The following PTPRT variants were observed in gnomAD, a reference collection of about 807,000 sequenced individuals.
PTPRT encodes receptor-type tyrosine-protein phosphatase T.
In PTPRT, 56 loss-of-function variants were observed where a neutral mutation model predicts 176.8. The observed-to-expected ratio is 0.32, with a 90% confidence interval of 0.26 to 0.40. The LOEUF (loss-of-function observed/expected upper bound fraction) is 0.40. Among genes scored for constraint, PTPRT ranks in the 10% least tolerant of loss-of-function variants. The pLI, the probability that PTPRT is intolerant of heterozygous loss-of-function variation, is 1.00. For synonymous variants in PTPRT, 783 were observed against 739.0 expected, an observed-to-expected ratio of 1.06 and a Z score of -0.96; for missense variants, 1,540 against 1,908.2, an observed-to-expected ratio of 0.81 and a Z score of 3.60.
chr20:43,164,858 T>G (rs151311713), intron 1 of PTPRT, among the ~76,000 whole-genome samples: 10 of 152,314 alleles, frequency 6.6e-5, no homozygotes, highest in Admixed American at 3.9e-4. Context: ...TTTAAAGATG[T>G]AAAAACCTTT....
chr20:42,579,901 A>T (rs1260977655), intron 7 of PTPRT, among the ~76,000 whole-genome samples: 2 of 152,094 alleles, frequency 1.3e-5, no homozygotes, highest in Admixed American at 1.3e-4. Flanking sequence ...GAAGCTCTTT[A>T]GTTTAATTAG....
At chr20:42,174,722 G>T (rs1429050119) in intron 16 of PTPRT, among the ~76,000 whole-genome samples, 2 of 152,202 alleles carry the variant, frequency 1.3e-5, no homozygotes, top group African/African-American at 2.4e-5. Flanking sequence ...AGACAGGGTA[G>T]TGGTCTAACA....
chr20:42,586,527 C>T (rs1175162742), intron 7 of PTPRT, among the ~76,000 whole-genome samples: 1 of 152,154 alleles, frequency 6.6e-6, no homozygotes, highest in African/African-American at 2.4e-5. Flanking sequence ...CCAGAGCCTG[C>T]ATTTTCCACT....
intron 1 of PTPRT, among the ~76,000 whole-genome samples, chr20:43,108,821 T>G (rs545250280): frequency 6.6e-6 from 1 of 152,276 alleles, no homozygotes; most frequent in African/African-American, 2.4e-5. Context: ...AGCCACGCAA[T>G]GGGACAATCA....
At chr20:42,093,606 C>T (rs919071493) in intron 27 of PTPRT, among the ~76,000 whole-genome samples, 6 of 152,222 alleles carry the variant, frequency 3.9e-5, no homozygotes, top group African/African-American at 1.4e-4. Flanking sequence ...ACAGGTAGCC[C>T]TGCCCAATCC....
intron 8 of PTPRT, among the ~76,000 whole-genome samples, chr20:42,461,603 G>A (rs1315655848): frequency 6.6e-6 from 1 of 152,136 alleles, no homozygotes; most frequent in African/African-American, 2.4e-5. Context: ...TGAATTGGAA[G>A]CAAAGTACAA....
At chr20:42,310,574 A>G (rs76781693) in intron 12 of PTPRT, among the ~76,000 whole-genome samples, 3 of 152,292 alleles carry the variant, frequency 2.0e-5, no homozygotes, top group East Asian at 3.9e-4. Flanking sequence ...AGCAATTTGC[A>G]TTGATCAAGC....
intron 3 of PTPRT, 116 bp from the exon 4 acceptor site, chr20:42,780,415 A>G (rs2077198221): frequency 1.3e-6 from 1 of 744,190 alleles, no homozygotes; most frequent in South Asian, 1.6e-5. Context: ...GCAACCCAAG[A>G]AACCTTCTGT....
rs141460134 is a variant in PTPRT, at chr20:42,893,186, A to T, written c.89-7254T>A. On this transcript the variant is annotated intron_variant, in intron 1 of 30. Transcript: ENST00000373187. ...TTTACAAGAAAAAAACAACCCCATCACAAAGTGGCCAAAGGATATGAACAG... is the reference window on the plus strand; with the variant it reads ...TTTACAAGAAAAAAACAACCCCATCTCAAAGTGGCCAAAGGATATGAACAG... Among the ~76,000 whole-genome samples, 1,034 of 152,322 alleles carry T rather than the reference A, an allele frequency of 6.8e-3. 14 individuals are homozygous for T. Among genetic ancestry groups the T allele is most frequent in the African/African-American group, 0.024 (998 of 41,556 alleles).
chr20:42,447,984 T>C (rs892709581), intron 9 of PTPRT, among the ~76,000 whole-genome samples: 21 of 152,314 alleles, frequency 1.4e-4, no homozygotes, highest in African/African-American at 4.6e-4. Context: ...ATGAGGTCAG[T>C]TGTCACCATA....
intron 6 of PTPRT, among the ~76,000 whole-genome samples, chr20:42,680,984 C>G (rs947890415): frequency 6.6e-6 from 1 of 152,212 alleles, no homozygotes; most frequent in African/African-American, 2.4e-5. Context: ...TTTCCTCTAT[C>G]TGGCACCAAG....
intron 1 of PTPRT, among the ~76,000 whole-genome samples, chr20:42,893,988 G>A (rs2079245674): frequency 6.6e-6 from 1 of 151,022 alleles, no homozygotes; most frequent in Admixed American, 6.6e-5. Flanking sequence ...TTGTGCACAT[G>A]TACCCTAAAA....
intron 1 of PTPRT, among the ~76,000 whole-genome samples, chr20:42,905,164 C>T (rs1279342281): frequency 1.3e-5 from 2 of 152,054 alleles, no homozygotes; most frequent in Non-Finnish European, 2.9e-5. Context: ...CACAATCTAC[C>T]CATCTGACAA....
At chr20:42,443,071 T>C (rs2059332140) in intron 9 of PTPRT, among the ~76,000 whole-genome samples, 1 of 152,230 alleles carries the variant, frequency 6.6e-6, no homozygotes, top group East Asian at 1.9e-4. Flanking sequence ...TCCATATTCC[T>C]GATGTAAATA....
At position 42,782,499 on chromosome 20, in the gene PTPRT, C is replaced by T. The variant is rs552175694; in HGVS notation, c.487-2200G>A. ...CCAATAGTCTATTCTTTCTGAAATA[C>T]GGAATATGGTTAAGTGGCACTATGA... On this transcript the variant is annotated intron_variant, in intron 3 of 30. Coordinates refer to ENST00000373187, the MANE Select transcript of PTPRT (RefSeq NM_007050.6). 3.9e-4 allele frequency among the ~76,000 whole-genome samples: 60 copies of T among 152,298 alleles called. 1 individual carries two copies. The highest frequency in any genetic ancestry group is 2.9e-3 in the Admixed American group (45 of 15,298).
chr20:43,036,372 C>T (rs1296972312), intron 1 of PTPRT, among the ~76,000 whole-genome samples: 1 of 152,026 alleles, frequency 6.6e-6, no homozygotes, highest in Non-Finnish European at 1.5e-5. Flanking sequence ...GCTGGGACTG[C>T]AGATATGCAC....
intron 6 of PTPRT, among the ~76,000 whole-genome samples, chr20:42,713,148 C>T (rs538524066): frequency 1.2e-3 from 163 of 133,592 alleles, no homozygotes; most frequent in African/African-American, 1.6e-3. Flanking sequence ...CACACGTACA[C>T]GCACACATAC....
At chr20:42,354,145 T>C (rs969122785) in intron 9 of PTPRT, among the ~76,000 whole-genome samples, 1 of 152,166 alleles carries the variant, frequency 6.6e-6, no homozygotes, top group African/African-American at 2.4e-5. Context: ...TACAGTCATA[T>C]AATCAAAAAC....
At chr20:42,925,244 C>T (rs950846634) in intron 1 of PTPRT, among the ~76,000 whole-genome samples, 2 of 152,108 alleles carry the variant, frequency 1.3e-5, no homozygotes, top group African/African-American at 4.8e-5. Flanking sequence ...TGTCATTTTT[C>T]TTAACTTACT....
Sources: allele counts gnomAD v4.1 joint callset (sites outside exome capture counted in the v4.1 genomes callset), GRCh38; gene constraint gnomAD v4.1.1; transcripts MANE v1.5; gene names NCBI Gene and HGNC (gene_info 2026-07-23, HGNC 2026-07-21).